The following CCDC171 variants were observed in gnomAD, a reference collection of about 807,000 sequenced individuals.
CCDC171 encodes the protein coiled-coil domain containing 171.
A neutral mutation model predicts 168.2 loss-of-function variants in CCDC171; 177 were observed. The observed-to-expected ratio is 1.05, with a 90% CI of 0.93 to 1.19. The LOEUF is 1.19. Among genes scored for constraint, CCDC171 ranks in the 50% most tolerant of loss-of-function variants. The pLI, the probability that CCDC171 is intolerant of heterozygous loss-of-function variation, is 0.00. For synonymous variants in CCDC171, 687 were observed against 540.8 expected (o/e 1.27, Z -3.75); for missense variants, 1,991 against 1,539.0 (o/e 1.29, Z -4.91).
chr9:15,589,992 T>C (rs951374750), intron 4 of CCDC171, among the ~76,000 whole-genome samples: 4 of 152,200 alleles, frequency 2.6e-5, no homozygotes, highest in Admixed American at 2.6e-4. Flanking sequence ...GTCTATTGAA[T>C]ATTTACCGTT....
chr9:15,694,179 T>A (rs2051036499), intron 10 of CCDC171, among the ~76,000 whole-genome samples: 1 of 152,186 alleles, frequency 6.6e-6, no homozygotes, highest in Non-Finnish European at 1.5e-5. Flanking sequence ...TTTCTAACTA[T>A]TAAATTGCTG....
chr9:15,670,056 C>T (rs892297906), intron 9 of CCDC171, among the ~76,000 whole-genome samples: 3 of 151,898 alleles, frequency 2.0e-5, no homozygotes, highest in African/African-American at 7.3e-5. Flanking sequence ...AAATCCTCCA[C>T]CTTTTAAGTC....
At chr9:16,038,455 T>C (rs1010389553), upstream of CCDC171, among the ~76,000 whole-genome samples, 2 of 152,140 alleles carry the variant, frequency 1.3e-5, no homozygotes, top group African/African-American at 4.8e-5. Flanking sequence ...GCTCTGAAGA[T>C]TGATAGGTAA....
At chr9:15,706,378 C>A (rs565774146) in intron 11 of CCDC171, among the ~76,000 whole-genome samples, 1 of 152,166 alleles carries the variant, frequency 6.6e-6, no homozygotes, top group African/African-American at 2.4e-5. Context: ...CAGTCTCAAC[C>A]TTCTGGGCTC....
At chr9:15,944,250 G>A (rs1169810689) in intron 25 of CCDC171, among the ~76,000 whole-genome samples, 6 of 151,626 alleles carry the variant, frequency 4.0e-5, no homozygotes, top group African/African-American at 1.5e-4. Context: ...TGTGGCTATT[G>A]CTTTTCTTTT....
At chr9:15,814,705 T>A (rs1048499919) in intron 21 of CCDC171, among the ~76,000 whole-genome samples, 1 of 152,048 alleles carries the variant, frequency 6.6e-6, no homozygotes, top group African/African-American at 2.4e-5. Context: ...TTAAAAATAT[T>A]TTTGTATTTG....
At chr9:16,100,919 C>T in the CCDC171 span, among the ~76,000 whole-genome samples, 3 of 152,200 alleles carry the variant, frequency 2.0e-5, no homozygotes, top group South Asian at 6.2e-4. Context: ...TACCCCATCC[C>T]CCAGGCTCTG....
chr9:15,665,389 A>G (rs2048661082), intron 8 of CCDC171, among the ~76,000 whole-genome samples: 1 of 152,236 alleles, frequency 6.6e-6, no homozygotes, highest in Admixed American at 6.5e-5. Context: ...TATAGTAAGA[A>G]ATCTCAGGAA....
intron 1 of CCDC171, among the ~76,000 whole-genome samples, chr9:16,052,548 A>G (rs543999570): frequency 1.9e-4 from 29 of 152,306 alleles, no homozygotes; most frequent in Admixed American, 1.6e-3. Context: ...ACTGATCTGC[A>G]TTATATATAT....
At chr9:15,701,577 A>ATT (rs71304894) in intron 11 of CCDC171, among the ~76,000 whole-genome samples, 3,282 of 122,054 alleles carry the variant, frequency 0.027, 92 homozygotes, top group Admixed American at 0.063. Context: ...GTACAATTCC[A>ATT]TTTTTTTTTT....
intron 23 of CCDC171, among the ~76,000 whole-genome samples, chr9:15,862,290 G>A (rs891509153): frequency 2.7e-5 from 4 of 150,802 alleles, no homozygotes; most frequent in African/African-American, 4.9e-5. Context: ...GTGATTTCAC[G>A]TGGCCTATCT....
At chr9:16,048,896 A>G (rs1460021159) in intron 1 of CCDC171, among the ~76,000 whole-genome samples, 3 of 151,208 alleles carry the variant, frequency 2.0e-5, no homozygotes, top group African/African-American at 4.8e-5. Flanking sequence ...AGACCACACA[A>G]TAGGCTGAGA....
chr9:15,887,259 AT>A (rs1415259700), intron 24 of CCDC171, among the ~76,000 whole-genome samples: 3 of 152,198 alleles, frequency 2.0e-5, no homozygotes, highest in South Asian at 2.1e-4. Context: ...TGTCAAAAAA[AT>A]ATTTCATTTG....
chr9:16,067,108 T>G, the CCDC171 span, among the ~76,000 whole-genome samples: 2 of 151,918 alleles, frequency 1.3e-5, no homozygotes, highest in African/African-American at 4.8e-5. Flanking sequence ...TTTCTCCACA[T>G]CCTCTCCAGC....
At chr9:15,625,724 G>A (rs1432304130) in intron 7 of CCDC171, among the ~76,000 whole-genome samples, 1 of 152,182 alleles carries the variant, frequency 6.6e-6, no homozygotes, top group African/African-American at 2.4e-5. Context: ...CTGTAGCCTT[G>A]TATTATAGTT....
the CCDC171 span, among the ~76,000 whole-genome samples, chr9:16,103,115 G>A: frequency 1.3e-5 from 2 of 152,266 alleles, no homozygotes; most frequent in Non-Finnish European, 2.9e-5. Flanking sequence ...CAGGTCCATC[G>A]GCCTTCAATT....
intron 7 of CCDC171, among the ~76,000 whole-genome samples, chr9:15,631,076 T>C (rs935316247): frequency 6.6e-6 from 1 of 151,352 alleles, no homozygotes; most frequent in African/African-American, 2.4e-5. Context: ...GCCGGAAAGA[T>C]CCAAAATTGA....
chr9:15,719,849 G>C (rs1357589963), intron 11 of CCDC171, among the ~76,000 whole-genome samples: 4 of 151,842 alleles, frequency 2.6e-5, no homozygotes, highest in African/African-American at 7.3e-5. Context: ...TTGTGTAGTA[G>C]CAAAAGAAAA....
chr9:15,768,733 A>G (rs1464856293), intron 18 of CCDC171, among the ~76,000 whole-genome samples: 1 of 152,174 alleles, frequency 6.6e-6, no homozygotes, highest in Non-Finnish European at 1.5e-5. Context: ...CTATAGATAC[A>G]TTATTTTAAT....
Sources: gnomAD v4.1 joint callset for allele counts (sites outside exome capture counted in the v4.1 genomes callset) on GRCh38, gnomAD v4.1.1 for gene constraint, MANE v1.5 for transcripts, NCBI Gene and HGNC (gene_info 2026-07-23, HGNC 2026-07-21) for gene names.